TPH2: variants seen among roughly 807,000 people sequenced by gnomAD.
TPH2 encodes tryptophan 5-hydroxylase 2.
Under a neutral mutation model 59.1 loss-of-function variants are expected in TPH2, and 27 were observed. The ratio of observed to expected loss-of-function variants is 0.46; its 90% CI spans 0.34 to 0.63. The LOEUF is 0.63. Among genes scored for constraint, TPH2 ranks in the 30% least tolerant of loss-of-function variants. The probability of loss-of-function intolerance (pLI) is 0.01; values close to 1 mark genes in which losing one functional copy is unlikely to be tolerated. For synonymous variants in TPH2, 220 were observed against 210.5 expected, an observed-to-expected ratio of 1.05 and a Z score of -0.39; for missense variants, 523 against 588.3, an observed-to-expected ratio of 0.89 and a Z score of 1.15.
At chr12:71,942,325 A>C (rs1283004415) in intron 2 of TPH2, among the ~76,000 whole-genome samples, 3 of 152,132 alleles carry the variant, frequency 2.0e-5, no homozygotes, top group African/African-American at 7.2e-5. Context: ...CTCAAGAAAG[A>C]TCCTGGTTAG....
rs1301247109 is a variant in TPH2 at position 71,964,140 on chromosome 12, A to C, written c.609-8379A>C. On this transcript the variant is annotated intron_variant, in intron 5 of 10. Coordinates refer to ENST00000333850, the MANE Select transcript of TPH2 (RefSeq NM_173353.4). Reference sequence around the variant, plus strand: ...AATCAATGGAAGATAATGGAATGGGATTTAAAAAAATGTATATATATATGC... The same window carrying C: ...AATCAATGGAAGATAATGGAATGGGCTTTAAAAAAATGTATATATATATGC... 3.9e-5 allele frequency among the ~76,000 whole-genome samples: 2 copies of C among 50,744 alleles called. 1 individual carries two copies. Among genetic ancestry groups the C allele is most frequent in the African/African-American group, 1.1e-4 (2 of 18,110 alleles). The allele number at this position is 50,744 out of a possible 152,430, so 33.3% of individuals were successfully genotyped here.
chr12:71,969,418 C>A (rs187628996), intron 5 of TPH2, among the ~76,000 whole-genome samples: 1 of 152,304 alleles, frequency 6.6e-6, no homozygotes. Context: ...CAAAGAAATA[C>A]AACACATTCT....
intron 7 of TPH2, 44 bp from the exon 8 acceptor site, chr12:71,994,395 A>G: frequency 6.2e-7 from 1 of 1,611,838 alleles, no homozygotes; most frequent in Non-Finnish European, 8.5e-7. Flanking sequence ...GTGGTAATTT[A>G]AAGCTTCTTA....
intron 1 of TPH2, among the ~76,000 whole-genome samples, chr12:71,940,828 G>C (rs1486446996): frequency 6.6e-6 from 1 of 152,196 alleles, no homozygotes; most frequent in East Asian, 1.9e-4. Flanking sequence ...GGCTAATGAA[G>C]TGTTAATCTT....
In TPH2 at chr12:71,995,155, G is replaced by T. The variant is rs189357536; in HGVS notation, c.1068+590G>T. 1.4e-3 allele frequency among the ~76,000 whole-genome samples: 206 copies of T among 152,250 alleles called. 1 individual carries two copies. The highest frequency in any genetic ancestry group is 1.4e-3 in the Non-Finnish European group (94 of 68,012). On this transcript the variant is annotated intron_variant, in intron 8 of 10. Transcript: ENST00000333850. ...TATTCTAAGTACAAAACCAGGAAAA[G>T]ATTTAATGGATGTTATAGTATCTTC...
At chr12:71,999,101 A>T (rs551777976) in intron 8 of TPH2, among the ~76,000 whole-genome samples, 3 of 152,166 alleles carry the variant, frequency 2.0e-5, no homozygotes, top group Non-Finnish European at 4.4e-5. Context: ...GCACCGCCAA[A>T]CTCTTTGTCC....
intron 4 of TPH2, among the ~76,000 whole-genome samples, chr12:71,947,877 G>T (rs1871238785): frequency 1.3e-5 from 2 of 152,206 alleles, no homozygotes; most frequent in African/African-American, 2.4e-5. Flanking sequence ...AGATTCTTCA[G>T]GAGGCCCAGC....
chr12:71,973,370 C>A (rs182379719), intron 6 of TPH2, among the ~76,000 whole-genome samples: 1 of 152,130 alleles, frequency 6.6e-6, no homozygotes, highest in African/African-American at 2.4e-5. Context: ...TGAGAGTGAC[C>A]TCTGGTCATT....
chr12:71,944,863 G>A (rs1481759144), intron 4 of TPH2, among the ~76,000 whole-genome samples, 177 bp downstream of exon 4: 1 of 152,192 alleles, frequency 6.6e-6, no homozygotes, highest in African/African-American at 2.4e-5. Flanking sequence ...TTGACTGGAA[G>A]CGGGTTAGAA....
chr12:71,947,210 A>G (rs1311928001), intron 4 of TPH2, among the ~76,000 whole-genome samples: 1 of 152,090 alleles, frequency 6.6e-6, no homozygotes, highest in Admixed American at 6.6e-5. Context: ...TTCCATTCAC[A>G]TCACATGTGG....
At chr12:71,994,966 G>C (rs991105768) in intron 8 of TPH2, among the ~76,000 whole-genome samples, 3 of 144,326 alleles carry the variant, frequency 2.1e-5, no homozygotes, top group African/African-American at 7.3e-5. Flanking sequence ...GATTTAGCCT[G>C]TGTGCTGTGG....
At chr12:72,022,070 G>A (rs1224187563) in intron 8 of TPH2, among the ~76,000 whole-genome samples, 1 of 152,136 alleles carries the variant, frequency 6.6e-6, no homozygotes, top group African/African-American at 2.4e-5. Context: ...ATATTGTTAC[G>A]GAGGTATCAT....
chr12:71,944,817 C>A, intron 4 of TPH2, 131 bp downstream of exon 4: 1 of 894,592 alleles, frequency 1.1e-6, no homozygotes. Flanking sequence ...TAACTGAGAG[C>A]AGACTTCCAA....
At chr12:72,001,145 A>C (rs1042162739) in intron 8 of TPH2, among the ~76,000 whole-genome samples, 1 of 152,228 alleles carries the variant, frequency 6.6e-6, no homozygotes, top group African/African-American at 2.4e-5. Context: ...CCTCTGGCCC[A>C]GTTGGAATTT....
intron 7 of TPH2, among the ~76,000 whole-genome samples, chr12:71,981,888 T>C (rs1737264203): frequency 6.6e-6 from 1 of 151,948 alleles, no homozygotes; most frequent in African/African-American, 2.4e-5. Flanking sequence ...AGTAGTTATT[T>C]TTCTTCCAAG....
At chr12:71,955,574 T>G (rs1020387469) in intron 5 of TPH2, among the ~76,000 whole-genome samples, 3 of 152,200 alleles carry the variant, frequency 2.0e-5, no homozygotes, top group African/African-American at 7.2e-5. Flanking sequence ...CTGGGCAAAT[T>G]GTTTAAATCT....
chr12:71,950,006 G>T (rs1292032494), intron 5 of TPH2, among the ~76,000 whole-genome samples: 2 of 152,192 alleles, frequency 1.3e-5, no homozygotes, highest in African/African-American at 4.8e-5. Context: ...TCAGTCTCCT[G>T]CTTCCCCGAT....
intron 7 of TPH2, among the ~76,000 whole-genome samples, chr12:71,984,451 CAA>C: frequency 6.6e-6 from 1 of 152,122 alleles, no homozygotes; most frequent in East Asian, 1.9e-4. Context: ...TTTTCTTTCC[CAA>C]CTTTTCCTCC....
chr12:72,026,974 T>C (rs1283283171), intron 9 of TPH2, among the ~76,000 whole-genome samples: 1 of 152,164 alleles, frequency 6.6e-6, no homozygotes, highest in Non-Finnish European at 1.5e-5. Context: ...AAAAGATGAC[T>C]GTGATGTGAG....
Sources: gnomAD v4.1 joint callset for allele counts (sites outside exome capture counted in the v4.1 genomes callset) on GRCh38, gnomAD v4.1.1 for gene constraint, MANE v1.5 for transcripts, NCBI Gene and HGNC (gene_info 2026-07-23, HGNC 2026-07-21) for gene names.